AHNAK: variants seen among roughly 807,000 people sequenced by gnomAD.
The protein encoded by AHNAK is AHNAK nucleoprotein.
AHNAK carries 23 observed loss-of-function variants against 37.8 expected under a neutral mutation model. The observed-to-expected ratio is 0.61, with a 90% CI of 0.44 to 0.86. AHNAK has a LOEUF of 0.86. Among genes scored for constraint, AHNAK ranks in the 40% least tolerant of loss-of-function variants. The pLI, the probability that AHNAK is intolerant of heterozygous loss-of-function variation, is 0.00. For synonymous variants in AHNAK, 2,481 were observed against 2,636.3 expected (o/e 0.94, Z 1.80); for missense variants, 7,411 against 7,319.4 (o/e 1.01, Z -0.46).
chr11:62,487,094 C>T (rs1244985893), intron 5 of AHNAK, among the ~76,000 whole-genome samples: 1 of 152,172 alleles, frequency 6.6e-6, no homozygotes, highest in Non-Finnish European at 1.5e-5. Flanking sequence ...CATTGTGGAC[C>T]ACCAGTGGTG....
intron 3 of AHNAK, among the ~76,000 whole-genome samples, chr11:62,535,466 T>C (rs1216554571): frequency 2.6e-5 from 4 of 151,688 alleles, no homozygotes; most frequent in Admixed American, 2.0e-4. Flanking sequence ...CTGACCAACA[T>C]AGAAAAACCC....
rs777345794 is a variant in AHNAK at position 62,531,974 on chromosome 11, C to T, written c.2443G>A (p.Val815Ile). Residue 815 changes from valine (V) to isoleucine (I), a missense_variant, in exon 5 of 5, where the codon GTC (valine) becomes ATC (isoleucine). Physicochemically the swap from Val to Ile is conservative, Grantham distance 29. Coordinates refer to ENST00000378024, the MANE Select transcript of AHNAK (RefSeq NM_001620.3). ...ACATCAGGCATGGAGATCTTGGGGA[C>T]TTTGATGTTCATCTCAGGCATCTTA... ...KFKMPEMNIK[V>I]PKISMPDVDL... is the part of the protein sequence containing the mutation. 7 of 1,612,970 alleles carry T rather than the reference C, an allele frequency of 4.3e-6. No homozygotes were observed. Among genetic ancestry groups the T allele is most frequent in the Non-Finnish European group, 5.9e-6 (7 of 1,179,744 alleles).
At chr11:62,473,754 A>T (rs1442071266) in intron 5 of AHNAK, among the ~76,000 whole-genome samples, 1 of 151,886 alleles carries the variant, frequency 6.6e-6, no homozygotes. Flanking sequence ...CCAGCACTTT[A>T]GGAGGCTGAG....
chr11:62,523,547 C>T lies in AHNAK; in HGVS notation c.10870G>A (p.Val3624Ile), dbSNP rs1385918530. 3.1e-6 allele frequency: 5 copies of T among 1,613,958 alleles called. No individual in the cohort carries two copies. In the Admixed American group the frequency reaches 6.7e-5, roughly 22 times the overall value. The change falls in exon 5 of 5, where the codon GTT becomes ATT. Residue 3624 changes from valine (V) to isoleucine (I), a missense_variant. By Grantham distance (29) the Val-to-Ile change is conservative. Coordinates refer to ENST00000378024, the MANE Select transcript of AHNAK (RefSeq NM_001620.3). ...GFKGEGPEVD[V>I]TLPKADIDIS... ...TCAATGTCAGCTTTAGGGAGGGTAA[C>T]ATCGACTTCAGGGCCTTCTCCTTTG...
Position 62,527,167 on chromosome 11 carries a change from C to A in AHNAK, c.7250G>T (p.Gly2417Val). 1 of 1,611,404 alleles carries A rather than the reference C, an allele frequency of 6.2e-7. No homozygotes were observed. The highest frequency in any genetic ancestry group is 8.5e-7 in the Non-Finnish European group (1 of 1,178,890). ...DVPKLEGDLK[G>V]PHVDVSGPDI... ...TGGCCCACTGACATCCACATGTGGC[C>A]CTTTAAGGTCCCCTTCCAATTTGGG... The change falls in exon 5 of 5, where the codon GGG becomes GTG. Residue 2417 changes from glycine (G) to valine (V), a missense_variant. Gly to Val is a moderately radical substitution (Grantham distance 109). Transcript: ENST00000378024.
At position 62,520,159 on chromosome 11, in the gene AHNAK, G is replaced by A. The variant is rs773538633; in HGVS notation, c.14258C>T (p.Pro4753Leu). Residue 4753 changes from proline (P) to leucine (L), a missense_variant, in exon 5 of 5, where the codon CCA becomes CTA. Coordinates refer to ENST00000378024, the MANE Select transcript of AHNAK (RefSeq NM_001620.3). ...TTTTGGGCCCTTGATGTCAGCTTCTGGGCCCTTGAGGTCACCTTCCACTTT... is the reference window on the plus strand; with the variant it reads ...TTTTGGGCCCTTGATGTCAGCTTCTAGGCCCTTGAGGTCACCTTCCACTTT... The part of the protein sequence containing the change: ...LPKVEGDLKG[P>L]EADIKGPKVD... 4 of 1,613,528 alleles carry A rather than the reference G, an allele frequency of 2.5e-6. No homozygotes were observed. Among genetic ancestry groups the A allele is most frequent in the Non-Finnish European group, 3.4e-6 (4 of 1,179,926 alleles).
Position 62,529,340 on chromosome 11 carries a change from T to C in AHNAK, c.5077A>G (p.Lys1693Glu). Residue 1693 changes from lysine (K) to glutamate (E), a missense_variant, in exon 5 of 5, where the codon AAA becomes GAA. Coordinates refer to ENST00000378024, the MANE Select transcript of AHNAK (RefSeq NM_001620.3). ...ACATCTGGGGCATCAATGTCCACTT[T>C]GGGCCCTTTAATGTCAACATCTGGC... ...KVPDVDIKGP[K>E]VDIDAPDVEV... The C allele has an allele frequency of 6.2e-7, 1 of 1,614,132 alleles. No homozygotes were observed. Among genetic ancestry groups the C allele is most frequent in the Non-Finnish European group, 8.5e-7 (1 of 1,180,024 alleles).
At chr11:62,496,742 C>T (rs1939616775) in intron 4 of AHNAK, among the ~76,000 whole-genome samples, 1 of 151,774 alleles carries the variant, frequency 6.6e-6, no homozygotes, top group African/African-American at 2.4e-5. Context: ...TTGCAGTGAG[C>T]CGAGATCGCA....
intron 5 of AHNAK, among the ~76,000 whole-genome samples, chr11:62,438,151 TA>T (rs1278225650): frequency 6.6e-6 from 1 of 151,864 alleles, no homozygotes; most frequent in Non-Finnish European, 1.5e-5. Context: ...CCTCTTTTGT[TA>T]GTGCCTGGTC....
chr11:62,451,292 C>T (rs1194674974), intron 5 of AHNAK, among the ~76,000 whole-genome samples: 1 of 150,956 alleles, frequency 6.6e-6, no homozygotes, highest in African/African-American at 2.4e-5. Context: ...CCTCCAGCCC[C>T]GCTTCCCATC....
chr11:62,535,147 C>T lies in AHNAK; in HGVS notation c.198G>A (p.Gln66=), dbSNP rs1940902204. Residue 66 remains glutamine, a synonymous_variant, in exon 4 of 5, where the codon CAG becomes CAA. Transcript: ENST00000378024. ...VGATIYFDNL[Q]SGEVTQLLNT... ...TCAGCAGCTGGGTCACCTCACCCGA[C>T]TGCAGGTTGTCAAAGTAGATGGTGG... 1.2e-6 allele frequency: 2 copies of T among 1,612,880 alleles called. No homozygotes were observed. The highest frequency in any genetic ancestry group is 1.7e-6 in the Non-Finnish European group (2 of 1,179,038).
intron 5 of AHNAK, among the ~76,000 whole-genome samples, chr11:62,482,182 A>G (rs1357189833): frequency 1.3e-5 from 2 of 152,202 alleles, no homozygotes; most frequent in Non-Finnish European, 1.5e-5. Context: ...TGGGAGCCCA[A>G]GGCGGACTGC....
At chr11:62,462,510 C>T (rs2134829294) in intron 5 of AHNAK, among the ~76,000 whole-genome samples, 1 of 152,312 alleles carries the variant, frequency 6.6e-6, no homozygotes, top group African/African-American at 2.4e-5. Flanking sequence ...AGCAGCCAAG[C>T]ACAGGTGGTT....
chr11:62,433,576 C>G (rs931405693), exon 6 of AHNAK: 2 of 434,364 alleles, frequency 4.6e-6, no homozygotes, highest in Admixed American at 3.9e-5. Context: ...GATAAACGAG[C>G]GAAGGATAAT....
chr11:62,440,575 T>C (rs1400497561), intron 5 of AHNAK, among the ~76,000 whole-genome samples: 1 of 152,026 alleles, frequency 6.6e-6, no homozygotes, highest in African/African-American at 2.4e-5. Context: ...CCGATTGCAG[T>C]GGGGATATTT....
In AHNAK at chr11:62,517,149, C is replaced by A; in HGVS notation, c.17268G>T (p.Glu5756Asp). The A allele has an allele frequency of 6.2e-7, 1 of 1,613,058 alleles. No homozygotes were observed. Among genetic ancestry groups the A allele is most frequent in the Non-Finnish European group, 8.5e-7 (1 of 1,179,904 alleles). Residue 5756 changes from glutamate to aspartate, a missense_variant, in exon 5 of 5, where the codon GAG (glutamate) becomes GAT (aspartate). Glu to Asp is a conservative substitution (Grantham distance 45, BLOSUM62 2). Transcript: ENST00000378024. Reference sequence around the variant, plus strand: ...TCGGTGAAGAGGCTTCGGCCTCTGCCTCTCCTTCCAGAGAGCCCAGGCTGG... The same window carrying A: ...TCGGTGAAGAGGCTTCGGCCTCTGCATCTCCTTCCAGAGAGCCCAGGCTGG... ...SKASLGSLEG[E>D]AEAEASSPKG...
Position 62,521,648 on chromosome 11 carries a change from T to G in AHNAK, c.12769A>C (p.Ile4257Leu). The change falls in exon 5 of 5, where the codon ATC becomes CTC. Residue 4257 changes from isoleucine (I) to leucine (L), a missense_variant. Coordinates refer to ENST00000378024, the MANE Select transcript of AHNAK (RefSeq NM_001620.3). Reference sequence around the variant, plus strand: ...TGCAAATCAAAGTCAGGCATGGAGATCTTGGGGGCTTTGATGTTCATCTCA... The same window carrying G: ...TGCAAATCAAAGTCAGGCATGGAGAGCTTGGGGGCTTTGATGTTCATCTCA... ...MPEMNIKAPKISMPDFDLHLK... is the reference protein window; with the variant it reads ...MPEMNIKAPKLSMPDFDLHLK... The G allele has an allele frequency of 6.2e-7, 1 of 1,613,740 alleles. No homozygotes were observed.
Position 62,526,781 on chromosome 11 carries a change from C to A in AHNAK, c.7636G>T (p.Val2546Leu), listed in dbSNP as rs746498468. The A allele has an allele frequency of 1.2e-6, 2 of 1,614,078 alleles. No individual in the cohort carries two copies. Among genetic ancestry groups the A allele is most frequent in the Non-Finnish European group, 1.7e-6 (2 of 1,180,024 alleles). ...TTAACATCAGGGCCTTCAATGTCCA[C>A]CTTGGGTCCTGAGATGTCAACGTCA... is the stretch of plus-strand genomic sequence containing the variant. ...KADVDISGPK[V>L]DIEGPDVNIE... Residue 2546 changes from valine (V) to leucine (L), a missense_variant, in exon 5 of 5, where the codon GTG (valine) becomes TTG (leucine). Physicochemically the swap from Val to Leu is conservative, Grantham distance 32 (BLOSUM62 1). Coordinates refer to ENST00000378024, the MANE Select transcript of AHNAK (RefSeq NM_001620.3).
At chr11:62,509,044 A>G (rs1565218204) in intron 4 of AHNAK, among the ~76,000 whole-genome samples, 1 of 152,198 alleles carries the variant, frequency 6.6e-6, no homozygotes, top group Non-Finnish European at 1.5e-5. Context: ...TTAACCAAGG[A>G]ATTGAAATTA....
Sources: allele counts gnomAD v4.1 joint callset (sites outside exome capture counted in the v4.1 genomes callset), GRCh38; gene constraint gnomAD v4.1.1; transcripts MANE v1.5; gene names NCBI Gene and HGNC (gene_info 2026-07-23, HGNC 2026-07-21).